Variants in TRIP12 observed in about 807,000 individuals in gnomAD.
TRIP12 encodes the protein E3 ubiquitin-protein ligase TRIP12.
TRIP12 carries 25 observed loss-of-function variants against 244.2 expected under a neutral mutation model. The ratio of observed to expected loss-of-function variants is 0.10; its 90% CI spans 0.07 to 0.14. TRIP12 has a LOEUF of 0.14. Among genes scored for constraint, TRIP12 ranks in the 10% least tolerant of loss-of-function variants. The pLI is 1.00. For synonymous variants in TRIP12, 905 were observed against 873.1 expected (o/e 1.04, Z -0.64); for missense variants, 1,677 against 2,486.4 (o/e 0.67, Z 6.92).
At chr2:229,815,061 T>C in intron 11 of TRIP12, 38 bp downstream of exon 11, 2 of 1,514,736 alleles carry the variant, frequency 1.3e-6, no homozygotes, top group Non-Finnish European at 1.8e-6. Flanking sequence ...TGACTCCCTA[T>C]GCCTGCTTTT....
chr2:229,826,526 T>G (rs1208779974), intron 8 of TRIP12, among the ~76,000 whole-genome samples: 2 of 152,230 alleles, frequency 1.3e-5, no homozygotes, highest in Non-Finnish European at 2.9e-5. Flanking sequence ...AACTACATGA[T>G]GAAATTTTAT....
intron 9 of TRIP12, among the ~76,000 whole-genome samples, chr2:229,817,751 T>C (rs1360486096): frequency 6.6e-6 from 1 of 152,064 alleles, no homozygotes; most frequent in African/African-American, 2.4e-5. Flanking sequence ...CCTGCAACCA[T>C]GCCCGGCTAA....
chr2:229,912,865 A>C (rs1043226150), intron 1 of TRIP12, among the ~76,000 whole-genome samples: 2 of 151,854 alleles, frequency 1.3e-5, no homozygotes, highest in Non-Finnish European at 2.9e-5. Context: ...TTAGCTGCTG[A>C]TGAGTATTTG....
intron 1 of TRIP12, among the ~76,000 whole-genome samples, chr2:229,905,484 T>A (rs943932230): frequency 4.0e-5 from 6 of 150,754 alleles, no homozygotes; most frequent in African/African-American, 1.5e-4. Context: ...AGGCCCTCAG[T>A]TATTATACTG....
chr2:229,784,574 C>T (rs1341685881), intron 34 of TRIP12, among the ~76,000 whole-genome samples: 1 of 147,264 alleles, frequency 6.8e-6, no homozygotes, highest in Non-Finnish European at 1.5e-5. Context: ...CTTCCAAAGA[C>T]ATTTTATAAA....
chr2:229,873,883 CTCA>C (rs1267502270), intron 2 of TRIP12, among the ~76,000 whole-genome samples: 1 of 151,992 alleles, frequency 6.6e-6, no homozygotes, highest in Non-Finnish European at 1.5e-5. Context: ...AGCATTTCCT[CTCA>C]TCATTCAAAA....
intron 30 of TRIP12, among the ~76,000 whole-genome samples, 173 bp from the exon 31 acceptor site, chr2:229,789,935 A>AAC (rs1214024321): frequency 6.6e-6 from 1 of 152,220 alleles, no homozygotes; most frequent in Admixed American, 6.5e-5. Flanking sequence ...TCTTATATAT[A>AAC]AAGTGCCTTG....
rs11420266 is a variant in TRIP12 at position 229,893,493 on chromosome 2, A to ATT, written c.-49-13367_-49-13366dup. 1.3e-3 allele frequency among the ~76,000 whole-genome samples: 190 copies of ATT among 148,542 alleles called. 1 individual carries two copies. The highest frequency in any genetic ancestry group is 4.6e-3 in the Admixed American group (68 of 14,912). On this transcript the variant is annotated intron_variant, in intron 1 of 41. Transcript: ENST00000675903. ...TCCCAACTCTGCAACTACTGTTCTAATTTTTTTTTTTTTACCATTGTCTTG... is the reference window on the plus strand; with the variant it reads ...TCCCAACTCTGCAACTACTGTTCTAATTTTTTTTTTTTTTTACCATTGTCTTG...
Position 229,768,607 on chromosome 2 carries a change from C to T in TRIP12, c.6007+9G>A, listed in dbSNP as rs371412778. 2.7e-5 allele frequency: 44 copies of T among 1,611,212 alleles called. No homozygotes were observed. The highest frequency in any genetic ancestry group is 4.4e-5 in the South Asian group (4 of 90,586). On this transcript the variant is annotated intron_variant, in intron 41 of 41. Transcript: ENST00000675903. ...TAGAATAAATGCTAAACATCAACAT[C>T]GTACCCACCTCCAACAGGCAATCTT...
intron 20 of TRIP12, 117 bp downstream of exon 20, chr2:229,803,454 G>C (rs1198168932): frequency 1.5e-6 from 1 of 679,362 alleles, no homozygotes; most frequent in Non-Finnish European, 2.4e-6. Flanking sequence ...TAAGCTAACA[G>C]AGCTTTAAAT....
chr2:229,912,741 A>G (rs2074563911), intron 1 of TRIP12, among the ~76,000 whole-genome samples: 1 of 152,222 alleles, frequency 6.6e-6, no homozygotes, highest in Non-Finnish European at 1.5e-5. Context: ...CGTAAGTTTC[A>G]ACTCATCTAC....
At chr2:229,858,513 C>G (rs765947378) in intron 4 of TRIP12, among the ~76,000 whole-genome samples, 1 of 152,076 alleles carries the variant, frequency 6.6e-6, no homozygotes, top group African/African-American at 2.4e-5. Context: ...GGAGATGCCG[C>G]GAGGACCAAT....
At chr2:229,819,675 C>T (rs1303360722) in intron 8 of TRIP12, among the ~76,000 whole-genome samples, 2 of 152,142 alleles carry the variant, frequency 1.3e-5, no homozygotes, top group African/African-American at 4.8e-5. Context: ...ACTTTTAAAG[C>T]TCCTTCACTT....
intron 18 of TRIP12, among the ~76,000 whole-genome samples, chr2:229,804,859 C>T (rs573719222): frequency 2.0e-5 from 3 of 152,058 alleles, no homozygotes; most frequent in Admixed American, 1.3e-4. Context: ...CTATATATAA[C>T]CTGCAACACT....
chr2:229,818,861 C>A (rs2049160184), intron 8 of TRIP12, among the ~76,000 whole-genome samples: 1 of 151,848 alleles, frequency 6.6e-6, no homozygotes. Context: ...AGGCTTGCTA[C>A]AATAATAAAA....
At chr2:229,819,061 C>T (rs995841640) in intron 8 of TRIP12, among the ~76,000 whole-genome samples, 4 of 146,696 alleles carry the variant, frequency 2.7e-5, no homozygotes, top group Non-Finnish European at 6.1e-5. Context: ...CACACACACA[C>T]ACACACACAC....
At chr2:229,917,544 AG>A (rs1463974719) in intron 1 of TRIP12, among the ~76,000 whole-genome samples, 1 of 152,016 alleles carries the variant, frequency 6.6e-6, no homozygotes, top group African/African-American at 2.4e-5. Flanking sequence ...TATTAACTAA[AG>A]CTTGGCCTAT....
chr2:229,803,824 C>T lies in TRIP12; in HGVS notation c.2880-135G>A, dbSNP rs1393877444. 1.2e-5 allele frequency: 10 copies of T among 864,794 alleles called. No individual in the cohort carries two copies. The South Asian group carries it at 1.5e-4, about 13-fold the overall frequency. 53.6% of individuals were successfully genotyped at this position (864,794 alleles called of 1,614,324 possible). On this transcript the variant is annotated intron_variant, in intron 19 of 41. Transcript: ENST00000675903. ...TTAACATAAACATTTTTCTTAAATG[C>T]TCAAGTTTTATATTTTATAAAAGCT...
At chr2:229,909,781 G>A (rs2073907316) in intron 1 of TRIP12, among the ~76,000 whole-genome samples, 2 of 152,052 alleles carry the variant, frequency 1.3e-5, no homozygotes, top group South Asian at 4.1e-4. Context: ...AGATCCAAGG[G>A]CTTTCAAGGC....
Sources: allele counts gnomAD v4.1 joint callset (sites outside exome capture counted in the v4.1 genomes callset), GRCh38; gene constraint gnomAD v4.1.1; transcripts MANE v1.5; gene names NCBI Gene and HGNC (gene_info 2026-07-23, HGNC 2026-07-21).